SFT2D2: variants seen among roughly 807,000 people sequenced by gnomAD.
SFT2D2 encodes SFT2 domain containing 2.
A neutral mutation model predicts 27.4 loss-of-function variants in SFT2D2; 21 were observed. The observed-to-expected ratio is 0.77, with a 90% confidence interval of 0.54 to 1.10. The LOEUF (loss-of-function observed/expected upper bound fraction) is 1.10, where lower values mean the gene tolerates loss of function less well. Ranked by LOEUF, SFT2D2 falls within the 50% of genes least tolerant of loss-of-function variation. The probability of loss-of-function intolerance (pLI) is 0.00; values close to 1 mark genes in which losing one functional copy is unlikely to be tolerated. For missense variants in SFT2D2, 187 were observed against 194.2 expected (o/e 0.96, Z 0.22); for synonymous variants, 72 against 71.7 (o/e 1.00, Z -0.02).
intron 1 of SFT2D2, among the ~76,000 whole-genome samples, chr1:168,231,233 C>A (rs918825655): frequency 1.3e-5 from 2 of 152,154 alleles, no homozygotes; most frequent in Non-Finnish European, 2.9e-5. Context: ...TCTTGCCTTC[C>A]TGTTCTTGAA....
rs149372218 is a variant in SFT2D2 at position 168,226,060 on chromosome 1, C to G, written c.-20C>G. On this transcript the variant is annotated 5_prime_UTR_variant, in exon 1 of 8. Coordinates refer to ENST00000271375, the MANE Select transcript of SFT2D2 (RefSeq NM_199344.3). The stretch of plus-strand genomic sequence containing the variant: ...ACAGGCTGCCGCTGAGGAGCTGGAG[C>G]TGGTGGGGACTGGGCCGCAATGGAC... 1.7e-3 allele frequency: 2,623 copies of G among 1,507,780 alleles called. 41 individuals carry two copies. The African/African-American group carries it at 0.032, about 18-fold the overall frequency. 93.4% of individuals were successfully genotyped at this position (1,507,780 alleles called of 1,614,324 possible).
At chr1:168,230,857 G>C (rs1036736401) in intron 1 of SFT2D2, among the ~76,000 whole-genome samples, 3 of 152,118 alleles carry the variant, frequency 2.0e-5, no homozygotes, top group Non-Finnish European at 2.9e-5. Flanking sequence ...GGAACTCCTG[G>C]CTTCCCCTGA....
intron 7 of SFT2D2, among the ~76,000 whole-genome samples, chr1:168,239,732 C>T (rs1005223938): frequency 6.6e-6 from 1 of 152,050 alleles, no homozygotes; most frequent in South Asian, 2.1e-4. Context: ...TTCTAATACT[C>T]CATACCTCTT....
intron 7 of SFT2D2, among the ~76,000 whole-genome samples, chr1:168,239,985 C>T (rs1004517762): frequency 4.0e-5 from 6 of 151,890 alleles, no homozygotes; most frequent in Non-Finnish European, 8.8e-5. Flanking sequence ...ACCATCCTGG[C>T]TAACACAGTG....
chr1:168,242,191 G>A (rs1164402740), intron 7 of SFT2D2, among the ~76,000 whole-genome samples: 1 of 152,174 alleles, frequency 6.6e-6, no homozygotes, highest in Non-Finnish European at 1.5e-5. Context: ...CAGCAATCCT[G>A]ACTGATTTCT....
chr1:168,231,546 CA>C lies in SFT2D2; in HGVS notation c.97del (p.Arg33GlyfsTer2), dbSNP rs1261637014. On this transcript the variant is annotated frameshift_variant, in exon 2 of 8. Coordinates refer to ENST00000271375, the MANE Select transcript of SFT2D2 (RefSeq NM_199344.3). LOFTEE classifies it high-confidence loss of function. ...VEASSLSWST[R>X]IKGFIACFAI... ...AGGCATCTTCATTAAGCTGGAGTAC[CA>C]GGATAAAAGGCTTCATTGCGTGTTT... is the stretch of plus-strand genomic sequence containing the variant. 6.2e-7 allele frequency: 1 copy of C among 1,613,578 alleles called. No homozygotes were observed. Among genetic ancestry groups the C allele is most frequent in the Non-Finnish European group, 8.5e-7 (1 of 1,179,960 alleles).
At chr1:168,232,302 G>C (rs1647344136) in intron 3 of SFT2D2, among the ~76,000 whole-genome samples, 1 of 152,172 alleles carries the variant, frequency 6.6e-6, no homozygotes, top group Non-Finnish European at 1.5e-5. Context: ...TTTTTATTTA[G>C]TGTCAGACCT....
rs1041516530 is a variant in SFT2D2 at position 168,243,991 on chromosome 1, G to T, written c.*1451G>T. ...CATTCCTGGCCCTCCAGGACCTCCA[G>T]AGTCATCCTACAAATGACGTTTATC... is the stretch of plus-strand genomic sequence containing the variant. On this transcript the variant is annotated 3_prime_UTR_variant, in exon 8 of 8. Coordinates refer to ENST00000271375, the MANE Select transcript of SFT2D2 (RefSeq NM_199344.3). 1 of 152,322 alleles carries T rather than the reference G, an allele frequency of 6.6e-6. No homozygotes were observed. Among genetic ancestry groups the T allele is most frequent in the East Asian group, 1.9e-4 (1 of 5,198 alleles). 9.4% of individuals were successfully genotyped at this position (152,322 alleles called of 1,614,324 possible). A position where few individuals can be genotyped will look rare whatever the true frequency, so the allele number is the denominator to read the frequency against.
rs1238892404 is a variant in SFT2D2, at chr1:168,245,506, A to G, written c.*2966A>G. 2 of 151,702 alleles carry G rather than the reference A, an allele frequency of 1.3e-5. No individual in the cohort carries two copies. Among genetic ancestry groups the G allele is most frequent in the Non-Finnish European group, 2.9e-5 (2 of 67,968 alleles). The allele number at this position is 151,702 out of a possible 1,614,324, so 9.4% of individuals were successfully genotyped here. ...TGAGAGACTCAACATTGTTGATGTT[A>G]ATTCTTTCCCATATTAATCTATAGA... On this transcript the variant is annotated 3_prime_UTR_variant, in exon 8 of 8. Transcript: ENST00000271375.
intron 3 of SFT2D2, among the ~76,000 whole-genome samples, chr1:168,232,605 A>G (rs1467738091): frequency 2.0e-5 from 3 of 151,968 alleles, no homozygotes; most frequent in African/African-American, 7.3e-5. Flanking sequence ...TCTCCCCTCC[A>G]TGATTCCTCA....
rs751899727 is a variant in SFT2D2, at chr1:168,231,870, C to T, written c.187C>T (p.His63Tyr). The change falls in exon 3 of 8, where the codon CAC (histidine) becomes TAC (tyrosine). Residue 63 changes from histidine (H) to tyrosine (Y), a missense_variant. By Grantham distance (83) the His-to-Tyr change is moderately conservative (BLOSUM62 2). Transcript: ENST00000271375. Reference sequence around the variant, plus strand: ...GCTGTGGGTGCCCAGGAAGGGACTACACCTCTTCGCAGTGTTTTATACCTT... The same window carrying T: ...GCTGTGGGTGCCCAGGAAGGGACTATACCTCTTCGCAGTGTTTTATACCTT... ...VLLWVPRKGL[H>Y]LFAVFYTFGN... 6.2e-7 allele frequency: 1 copy of T among 1,614,142 alleles called. No individual in the cohort carries two copies. The highest frequency in any genetic ancestry group is 1.7e-5 in the Admixed American group (1 of 60,024).
In SFT2D2 at chr1:168,233,643, T is replaced by TG. The variant is rs200545010; in HGVS notation, c.237-1451dup. On this transcript the variant is annotated intron_variant, in intron 3 of 7. Transcript: ENST00000271375. ...AGCTTTCTCCAATACTAACTTTGGGTGGGGGGGTGTTTTGGGCAGACAGTG... is the reference window on the plus strand; with the variant it reads ...AGCTTTCTCCAATACTAACTTTGGGTGGGGGGGGTGTTTTGGGCAGACAGTG... 7.9e-3 allele frequency among the ~76,000 whole-genome samples: 1,194 copies of TG among 151,982 alleles called. 12 individuals carry two copies. Among genetic ancestry groups the TG allele is most frequent in the South Asian group, 0.038 (183 of 4,820 alleles).
In SFT2D2 at chr1:168,231,932, T is replaced by TA; in HGVS notation, c.236+18dup. 1.2e-6 allele frequency: 2 copies of TA among 1,611,960 alleles called. No homozygotes were observed. The highest frequency in any genetic ancestry group is 1.7e-6 in the Non-Finnish European group (2 of 1,178,298). On this transcript the variant is annotated intron_variant, in intron 3 of 7. Transcript: ENST00000271375. ...CATCAATTGGGAGGTAACTGTTTTT[T>TA]AAAAATCCAATTTTAGCCAATCATT... is the stretch of plus-strand genomic sequence containing the variant.
rs896980802 is a variant in SFT2D2, at chr1:168,249,389, C to T, written c.*6849C>T. Reference sequence around the variant, plus strand: ...AAACTGGGACTACAGGCATGTGCCACCACACCCGGCTAATTTTTGTATTTT... The same window carrying T: ...AAACTGGGACTACAGGCATGTGCCATCACACCCGGCTAATTTTTGTATTTT... On this transcript the variant is annotated 3_prime_UTR_variant, in exon 8 of 8. Transcript: ENST00000271375. The T allele has an allele frequency of 1.3e-5, 2 of 152,304 alleles. No homozygotes were observed. Among genetic ancestry groups the T allele is most frequent in the African/African-American group, 4.8e-5 (2 of 41,450 alleles). 9.4% of individuals were successfully genotyped at this position (152,304 alleles called of 1,614,324 possible).
At position 168,245,596 on chromosome 1, in the gene SFT2D2, AC is replaced by A. The variant is rs1478670493; in HGVS notation, c.*3057del. The A allele has an allele frequency of 6.7e-6, 1 of 150,336 alleles. No homozygotes were observed. The highest frequency in any genetic ancestry group is 1.5e-5 in the Non-Finnish European group (1 of 67,664). The allele number at this position is 150,336 out of a possible 1,614,324, so 9.3% of individuals were successfully genotyped here. ...TTTTTTTTTTTTGTAGAAATTAAAAACTGGTTTTAAGATTCACATGGCATGC... is the reference window on the plus strand; with the variant it reads ...TTTTTTTTTTTTGTAGAAATTAAAAATGGTTTTAAGATTCACATGGCATGC... On this transcript the variant is annotated 3_prime_UTR_variant, in exon 8 of 8. Transcript: ENST00000271375.
Position 168,248,821 on chromosome 1 carries a change from G to T in SFT2D2, c.*6281G>T, listed in dbSNP as rs952248309. The T allele has an allele frequency of 3.9e-5, 6 of 152,100 alleles. No individual in the cohort carries two copies. Among genetic ancestry groups the T allele is most frequent in the Admixed American group, 1.3e-4 (2 of 15,258 alleles). The allele number at this position is 152,100 out of a possible 1,614,324, so 9.4% of individuals were successfully genotyped here. A position where few individuals can be genotyped will look rare whatever the true frequency, so the allele number is the denominator to read the frequency against. ...TTCTTCCTGGTTTAGTCTTGGGAGG[G>T]TGTATATGTCCAGGAATTTATCCAT... is the stretch of plus-strand genomic sequence containing the variant. On this transcript the variant is annotated 3_prime_UTR_variant, in exon 8 of 8. Coordinates refer to ENST00000271375, the MANE Select transcript of SFT2D2 (RefSeq NM_199344.3).
chr1:168,251,703 TA>T lies in SFT2D2; in HGVS notation c.*9165del, dbSNP rs908704138. 2.6e-5 allele frequency: 4 copies of T among 152,048 alleles called. No homozygotes were observed. The highest frequency in any genetic ancestry group is 5.9e-5 in the Non-Finnish European group (4 of 67,984). The allele number at this position is 152,048 out of a possible 1,614,324, so 9.4% of individuals were successfully genotyped here. On this transcript the variant is annotated 3_prime_UTR_variant, in exon 8 of 8. Transcript: ENST00000271375. ...GATTTTTGTCCTAGTTTTTTTTTTT[TA>T]ATTTAAAAATCTTAAGTTTTTTTTA...
chr1:168,236,741 C>A lies in SFT2D2; in HGVS notation c.384C>A (p.Phe128Leu), dbSNP rs1250133189. The part of the protein sequence containing the change: ...WWHNKGLALI[F>L]CILQSLALTW... ...ATAACAAGGGACTTGCACTTATCTT[C>A]TGCATTTTGCAGTCTTTGGCATTGA... The change falls in exon 6 of 8, where the codon TTC (phenylalanine) becomes TTA (leucine). Residue 128 changes from phenylalanine (F) to leucine (L), a missense_variant. Physicochemically the swap from Phe to Leu is conservative, Grantham distance 22 (BLOSUM62 0). Coordinates refer to ENST00000271375, the MANE Select transcript of SFT2D2 (RefSeq NM_199344.3). 4.3e-6 allele frequency: 7 copies of A among 1,614,214 alleles called. No individual in the cohort carries two copies. Among genetic ancestry groups the A allele is most frequent in the Non-Finnish European group, 5.9e-6 (7 of 1,180,042 alleles).
intron 3 of SFT2D2, among the ~76,000 whole-genome samples, chr1:168,233,590 C>T (rs2102329706): frequency 6.6e-6 from 1 of 152,246 alleles, no homozygotes; most frequent in East Asian, 1.9e-4. Context: ...AAATGCTGAC[C>T]CTTAGAGATG....
Sources: allele counts gnomAD v4.1 joint callset (sites outside exome capture counted in the v4.1 genomes callset), GRCh38; gene constraint gnomAD v4.1.1; transcripts MANE v1.5; gene names NCBI Gene and HGNC (gene_info 2026-07-23, HGNC 2026-07-21).